The following SLC44A5 variants were observed in gnomAD, a reference collection of about 807,000 sequenced individuals.
The protein encoded by SLC44A5 is choline transporter-like protein 5.
SLC44A5 carries 57 observed loss-of-function variants against 101.8 expected under a neutral mutation model. The observed-to-expected ratio is 0.56, with a 90% confidence interval of 0.45 to 0.70. The LOEUF (loss-of-function observed/expected upper bound fraction) is 0.70. SLC44A5 is among the 30% of genes least tolerant of loss of function. SLC44A5 has a pLI of 0.00. For synonymous variants in SLC44A5, 281 were observed against 290.9 expected (o/e 0.97, Z 0.35); for missense variants, 737 against 853.1 (o/e 0.86, Z 1.70).
chr1:75,570,089 A>G (rs1236744500), intron 1 of SLC44A5, among the ~76,000 whole-genome samples: 1 of 152,202 alleles, frequency 6.6e-6, no homozygotes, highest in Non-Finnish European at 1.5e-5. Context: ...CATTTGTTGA[A>G]GGCTGATGGG....
At chr1:75,613,981 T>C (rs1219045926), upstream of SLC44A5, among the ~76,000 whole-genome samples, 1 of 152,264 alleles carries the variant, frequency 6.6e-6, no homozygotes, top group Non-Finnish European at 1.5e-5. Flanking sequence ...GGCTACCATG[T>C]ACTGTAAAAC....
chr1:75,275,511 T>C (rs763918687), intron 5 of SLC44A5, among the ~76,000 whole-genome samples: 12 of 152,180 alleles, frequency 7.9e-5, no homozygotes, highest in Non-Finnish European at 1.3e-4. Context: ...TCAAATTTAC[T>C]AGTTCTTTAT....
the SLC44A5 span, among the ~76,000 whole-genome samples, chr1:75,654,164 T>C: frequency 6.6e-6 from 1 of 152,192 alleles, no homozygotes; most frequent in Non-Finnish European, 1.5e-5. Flanking sequence ...AGGTTTTACT[T>C]TCTCCACATG....
At chr1:75,608,792 T>G (rs919100078) in intron 1 of SLC44A5, among the ~76,000 whole-genome samples, 6 of 151,858 alleles carry the variant, frequency 4.0e-5, no homozygotes, top group Non-Finnish European at 8.8e-5. Context: ...TCCTTCAATA[T>G]TACCTCGTCA....
At chr1:75,318,697 G>A (rs556251767) in intron 4 of SLC44A5, among the ~76,000 whole-genome samples, 145 of 152,254 alleles carry the variant, frequency 9.5e-4, no homozygotes, top group African/African-American at 3.4e-3. Context: ...GGCTTTCAAT[G>A]TGGAAGCATT....
intron 4 of SLC44A5, among the ~76,000 whole-genome samples, chr1:75,322,092 C>T (rs1570670566): frequency 6.6e-6 from 1 of 152,090 alleles, no homozygotes; most frequent in African/African-American, 2.4e-5. Flanking sequence ...GGCAGGATTA[C>T]TTGAGGTCAG....
At chr1:75,254,859 G>A (rs1448448923) in intron 6 of SLC44A5, among the ~76,000 whole-genome samples, 5 of 152,100 alleles carry the variant, frequency 3.3e-5, no homozygotes, top group Non-Finnish European at 5.9e-5. Flanking sequence ...AGACCTCTAT[G>A]CTTAGAATAC....
At chr1:75,388,170 C>A (rs1326794222) in intron 3 of SLC44A5, among the ~76,000 whole-genome samples, 3 of 142,346 alleles carry the variant, frequency 2.1e-5, no homozygotes, top group Non-Finnish European at 1.5e-5. Context: ...ATGTAACTAA[C>A]CTGCACAATG....
chr1:75,685,285 G>A, the SLC44A5 span, among the ~76,000 whole-genome samples: 2 of 152,258 alleles, frequency 1.3e-5, no homozygotes, highest in South Asian at 2.1e-4. Flanking sequence ...ACATGCCCTG[G>A]AAACATTTTC....
At chr1:75,369,537 A>G (rs1433751778) in intron 3 of SLC44A5, among the ~76,000 whole-genome samples, 1 of 152,202 alleles carries the variant, frequency 6.6e-6, no homozygotes, top group Non-Finnish European at 1.5e-5. Context: ...CATACATTCC[A>G]TAAAAATGTC....
chr1:75,668,303 G>T, the SLC44A5 span, among the ~76,000 whole-genome samples: 6 of 135,246 alleles, frequency 4.4e-5, no homozygotes, highest in Non-Finnish European at 9.2e-5. Flanking sequence ...GAATGTCCTG[G>T]ATCCTAGGAG....
At chr1:75,680,084 C>T in the SLC44A5 span, among the ~76,000 whole-genome samples, 2 of 152,136 alleles carry the variant, frequency 1.3e-5, no homozygotes, top group African/African-American at 2.4e-5. Flanking sequence ...TACATGCACC[C>T]AATACAGGAG....
intron 4 of SLC44A5, among the ~76,000 whole-genome samples, chr1:75,315,110 G>A (rs997317227): frequency 2.6e-5 from 4 of 152,054 alleles, no homozygotes; most frequent in Non-Finnish European, 2.9e-5. Context: ...GATTATTTAT[G>A]CAGTATTTGT....
At chr1:75,719,771 T>A in the SLC44A5 span, among the ~76,000 whole-genome samples, 4 of 152,328 alleles carry the variant, frequency 2.6e-5, no homozygotes, top group African/African-American at 7.2e-5. Context: ...AAAGTCATAG[T>A]ATTCTGAAGA....
chr1:75,650,484 A>G, the SLC44A5 span, among the ~76,000 whole-genome samples: 1 of 152,252 alleles, frequency 6.6e-6, no homozygotes, highest in South Asian at 2.1e-4. Context: ...CTATGCATTT[A>G]TCTAAGCTTT....
the SLC44A5 span, among the ~76,000 whole-genome samples, chr1:75,658,763 G>T: frequency 6.6e-6 from 1 of 151,868 alleles, no homozygotes; most frequent in Admixed American, 6.6e-5. Flanking sequence ...TAGAAGAAAA[G>T]AAATAATAAA....
intron 3 of SLC44A5, among the ~76,000 whole-genome samples, chr1:75,374,733 C>A (rs1293314132): frequency 1.3e-5 from 2 of 152,108 alleles, no homozygotes; most frequent in African/African-American, 4.8e-5. Flanking sequence ...GAGACCCATG[C>A]AGGAAAGGAT....
chr1:75,416,445 G>T (rs1663652069), intron 2 of SLC44A5, among the ~76,000 whole-genome samples: 1 of 152,244 alleles, frequency 6.6e-6, no homozygotes, highest in African/African-American at 2.4e-5. Flanking sequence ...TGCTGCATGG[G>T]TGGGGCCCTC....
intron 1 of SLC44A5, among the ~76,000 whole-genome samples, chr1:75,568,608 T>C (rs1376195411): frequency 6.6e-6 from 1 of 152,198 alleles, no homozygotes; most frequent in Non-Finnish European, 1.5e-5. Flanking sequence ...CTCTATCTGT[T>C]TTTTCTGCCT....
Sources: allele counts gnomAD v4.1 joint callset (sites outside exome capture counted in the v4.1 genomes callset), GRCh38; gene constraint gnomAD v4.1.1; transcripts MANE v1.5; gene names NCBI Gene and HGNC (gene_info 2026-07-23, HGNC 2026-07-21).